The following EHBP1 variants were observed in gnomAD, a reference collection of about 807,000 sequenced individuals.
The protein encoded by EHBP1 is EH domain binding protein 1, also known as EH domain-binding protein 1.
In EHBP1, 55 loss-of-function variants were observed where a neutral mutation model predicts 144.0. The observed-to-expected ratio is 0.38, with a 90% confidence interval of 0.31 to 0.48. The LOEUF (loss-of-function observed/expected upper bound fraction) is 0.48, where lower values mean the gene tolerates loss of function less well. Ranked by LOEUF, EHBP1 falls within the 20% of genes least tolerant of loss-of-function variation. The pLI, the probability that EHBP1 is intolerant of heterozygous loss-of-function variation, is 0.98. For synonymous variants in EHBP1, 469 were observed against 472.7 expected (o/e 0.99, Z 0.10); for missense variants, 1,200 against 1,364.2 (o/e 0.88, Z 1.90).
chr2:62,989,350 G>A (rs1435773072), intron 15 of EHBP1, among the ~76,000 whole-genome samples: 1 of 152,034 alleles, frequency 6.6e-6, no homozygotes, highest in Non-Finnish European at 1.5e-5. Flanking sequence ...ATTTATGGAA[G>A]TATAAAAGCA....
intron 19 of EHBP1, among the ~76,000 whole-genome samples, chr2:63,023,927 AT>A (rs1479528883): frequency 6.6e-6 from 1 of 152,218 alleles, no homozygotes; most frequent in Non-Finnish European, 1.5e-5. Flanking sequence ...AGGTATAAAA[AT>A]TTTCTAGAGA....
chr2:63,014,726 C>G (rs1004253727), intron 19 of EHBP1, among the ~76,000 whole-genome samples: 1 of 152,128 alleles, frequency 6.6e-6, no homozygotes, highest in Non-Finnish European at 1.5e-5. Flanking sequence ...GCCTGTAATC[C>G]CAGTACTTTG....
chr2:62,870,776 T>C (rs2050418152), intron 9 of EHBP1, among the ~76,000 whole-genome samples: 2 of 150,232 alleles, frequency 1.3e-5, no homozygotes, highest in Non-Finnish European at 3.0e-5. Flanking sequence ...ATATGTATAT[T>C]TTTGAGACTT....
intron 14 of EHBP1, among the ~76,000 whole-genome samples, chr2:62,961,624 G>A (rs916284328): frequency 8.5e-5 from 13 of 152,068 alleles, no homozygotes; most frequent in African/African-American, 1.9e-4. Context: ...CAAAGGAGAC[G>A]TCTTGATCAT....
In EHBP1 at chr2:62,730,141, G is replaced by T. The variant is rs150083977; in HGVS notation, c.105-17254G>T. 3.3e-3 allele frequency among the ~76,000 whole-genome samples: 503 copies of T among 152,120 alleles called. 3 individuals carry two copies. Among genetic ancestry groups the T allele is most frequent in the African/African-American group, 0.011 (467 of 41,490 alleles). Reference sequence around the variant, plus strand: ...GGTTTTGAGCAGTTATGAATTTACAGAAAAATTAAGTAGAGTACAGACAAT... The same window carrying T: ...GGTTTTGAGCAGTTATGAATTTACATAAAAATTAAGTAGAGTACAGACAAT... On this transcript the variant is annotated intron_variant, in intron 2 of 22. Coordinates refer to ENST00000431489, the MANE Select transcript of EHBP1 (RefSeq NM_001142616.3).
chr2:62,739,711 G>C (rs1169225331), intron 2 of EHBP1, among the ~76,000 whole-genome samples: 1 of 152,052 alleles, frequency 6.6e-6, no homozygotes, highest in East Asian at 1.9e-4. Flanking sequence ...GGGAGGCTGA[G>C]GCAGGAGGAT....
At chr2:62,725,167 C>T (rs970187496) in intron 2 of EHBP1, among the ~76,000 whole-genome samples, 4 of 152,244 alleles carry the variant, frequency 2.6e-5, no homozygotes, top group African/African-American at 2.4e-5. Flanking sequence ...TGTGCTGTGG[C>T]GGTGGGGGCG....
chr2:63,043,841 A>G (rs1307905591), intron 21 of EHBP1: 1 of 141,630 alleles, frequency 7.1e-6, no homozygotes, highest in Non-Finnish European at 1.5e-5. Context: ...AGAGAAACCC[A>G]AAAGGATTGC....
chr2:63,014,816 A>C (rs1174161997), intron 19 of EHBP1, among the ~76,000 whole-genome samples: 1 of 152,212 alleles, frequency 6.6e-6, no homozygotes, highest in Non-Finnish European at 1.5e-5. Context: ...CGTCTCTACT[A>C]AAGATACAAA....
intron 14 of EHBP1, among the ~76,000 whole-genome samples, chr2:62,974,374 TA>T (rs1365384818): frequency 6.6e-6 from 1 of 152,172 alleles, no homozygotes; most frequent in Admixed American, 6.5e-5. Flanking sequence ...ATGTTGATTA[TA>T]AGAGTAGTAC....
At chr2:62,738,802 T>A (rs1048034971) in intron 2 of EHBP1, among the ~76,000 whole-genome samples, 6 of 152,222 alleles carry the variant, frequency 3.9e-5, no homozygotes, top group African/African-American at 1.4e-4. Context: ...CTTTCTTATG[T>A]ATTAAATATT....
In EHBP1 at chr2:62,705,952, T is replaced by A. The variant is rs1368210487; in HGVS notation, c.-396T>A. ...CTGTTCCATGTGGCTCCGGCGGGGA[T>A]GGAGGACTCGGTGGCGGCGGCGGCT... is the stretch of plus-strand genomic sequence containing the variant. On this transcript the variant is annotated 5_prime_UTR_variant, in exon 1 of 23. The change abolishes an upstream ATG in the 5' untranslated region. Coordinates refer to ENST00000431489, the MANE Select transcript of EHBP1 (RefSeq NM_001142616.3). 1 of 162,026 alleles carries A rather than the reference T, an allele frequency of 6.2e-6. No individual in the cohort carries two copies. The highest frequency in any genetic ancestry group is 1.3e-5 in the Non-Finnish European group (1 of 76,682). The allele number at this position is 162,026 out of a possible 1,614,324, so 10.0% of individuals were successfully genotyped here.
At chr2:62,961,131 C>T (rs1174728011) in intron 14 of EHBP1, among the ~76,000 whole-genome samples, 8 of 152,188 alleles carry the variant, frequency 5.3e-5, no homozygotes, top group African/African-American at 1.9e-4. Flanking sequence ...TGGACCCTTA[C>T]GTACAGACTC....
At chr2:63,014,990 A>G (rs1367230128) in intron 19 of EHBP1, among the ~76,000 whole-genome samples, 2 of 152,222 alleles carry the variant, frequency 1.3e-5, no homozygotes, top group Admixed American at 6.5e-5. Flanking sequence ...AAAAAAAAAG[A>G]TATTTGAGCT....
At chr2:62,821,702 C>G (rs2045994690) in intron 5 of EHBP1, among the ~76,000 whole-genome samples, 1 of 152,052 alleles carries the variant, frequency 6.6e-6, no homozygotes, top group African/African-American at 2.4e-5. Context: ...ACAGCAACAA[C>G]ATCAAAAGAA....
chr2:62,982,574 G>T (rs1264559323), intron 15 of EHBP1, among the ~76,000 whole-genome samples: 1 of 152,072 alleles, frequency 6.6e-6, no homozygotes, highest in Non-Finnish European at 1.5e-5. Flanking sequence ...GAATCCTCAG[G>T]TCTGAAAAAA....
At chr2:62,857,574 T>C (rs2049157330) in intron 7 of EHBP1, among the ~76,000 whole-genome samples, 1 of 152,238 alleles carries the variant, frequency 6.6e-6, no homozygotes, top group African/African-American at 2.4e-5. Context: ...CTGAATAATC[T>C]GGATCTATTT....
At chr2:62,921,451 G>GA (rs112306984) in intron 10 of EHBP1, among the ~76,000 whole-genome samples, 210 of 94,170 alleles carry the variant, frequency 2.2e-3, no homozygotes, top group African/African-American at 6.6e-3. Context: ...TCTCAAAAAA[G>GA]AAAAAAAAAA....
chr2:62,767,965 T>C (rs556339690), intron 4 of EHBP1, among the ~76,000 whole-genome samples: 1 of 152,156 alleles, frequency 6.6e-6, no homozygotes, highest in South Asian at 2.1e-4. Context: ...CAAGAAGTTA[T>C]TTGAAGCTAA....
Sources: gnomAD v4.1 joint callset for allele counts (sites outside exome capture counted in the v4.1 genomes callset) on GRCh38, gnomAD v4.1.1 for gene constraint, MANE v1.5 for transcripts, NCBI Gene and HGNC (gene_info 2026-07-23, HGNC 2026-07-21) for gene names.